TMEM131L: variants seen among roughly 807,000 people sequenced by gnomAD.
TMEM131L encodes the protein transmembrane protein 131-like.
In TMEM131L, 54 loss-of-function variants were observed where a neutral mutation model predicts 192.2. That is an observed-to-expected ratio of 0.28 (90% confidence interval 0.23 to 0.35). The LOEUF is 0.35. Among genes scored for constraint, TMEM131L ranks in the 10% least tolerant of loss-of-function variants. The pLI, the probability that TMEM131L is intolerant of heterozygous loss-of-function variation, is 1.00. For synonymous variants in TMEM131L, 701 were observed against 704.9 expected, an observed-to-expected ratio of 0.99 and a Z score of 0.09; for missense variants, 1,888 against 1,972.9, an observed-to-expected ratio of 0.96 and a Z score of 0.82.
chr4:153,594,557 A>G (rs1290946833), intron 19 of TMEM131L, among the ~76,000 whole-genome samples: 1 of 152,238 alleles, frequency 6.6e-6, no homozygotes, highest in Non-Finnish European at 1.5e-5. Flanking sequence ...CAAAAAATAC[A>G]TACATACACA....
chr4:153,623,698 A>T (rs1447964922), intron 29 of TMEM131L, among the ~76,000 whole-genome samples: 1 of 152,014 alleles, frequency 6.6e-6, no homozygotes, highest in Non-Finnish European at 1.5e-5. Context: ...CTTCCCTTTT[A>T]TTGCCGGGTA....
intron 3 of TMEM131L, among the ~76,000 whole-genome samples, chr4:153,481,050 C>G (rs1254539774): frequency 6.6e-6 from 1 of 152,184 alleles, no homozygotes; most frequent in Non-Finnish European, 1.5e-5. Context: ...AGTGCAGGGT[C>G]CTGAGCATGG....
At chr4:153,467,371 G>C in intron 2 of TMEM131L, 90 bp downstream of exon 2, 1 of 1,143,936 alleles carries the variant, frequency 8.7e-7, no homozygotes, top group Non-Finnish European at 1.3e-6. Flanking sequence ...CTGTCCAAGC[G>C]GCACAGGCGT....
At chr4:153,582,420 G>GTTTTTTTGTTTTTT (rs1730402406) in intron 9 of TMEM131L, among the ~76,000 whole-genome samples, 3 of 81,834 alleles carry the variant, frequency 3.7e-5, no homozygotes, top group African/African-American at 1.6e-4. Context: ...AATTTAAACC[G>GTTTTTTTGTTTTTT]TTTTTTTTTG....
chr4:153,508,256 T>C (rs1198096351), intron 3 of TMEM131L, among the ~76,000 whole-genome samples: 1 of 152,224 alleles, frequency 6.6e-6, no homozygotes, highest in Admixed American at 6.5e-5. Flanking sequence ...TACCCAACTC[T>C]ATGTTGTGTT....
intron 7 of TMEM131L, among the ~76,000 whole-genome samples, chr4:153,561,485 A>G (rs1196252957): frequency 5.3e-5 from 8 of 152,160 alleles, no homozygotes; most frequent in Admixed American, 1.3e-4. Context: ...TTTCTTCTAA[A>G]GTTTTATAGT....
intron 3 of TMEM131L, among the ~76,000 whole-genome samples, chr4:153,527,742 G>A (rs1457376211): frequency 6.6e-6 from 1 of 152,132 alleles, no homozygotes; most frequent in African/African-American, 2.4e-5. Context: ...TTGAGGAAAC[G>A]CAGCCCAGGA....
rs564720322 is a variant in TMEM131L at position 153,540,533 on chromosome 4, A to G, written c.240-9540A>G. ...GTATTGTAGGAGGTGTGTGATACAT[A>G]CATAACACTGTGAGCCTGTGAAAGT... On this transcript the variant is annotated intron_variant, in intron 3 of 34. Transcript: ENST00000409959. 4.3e-4 allele frequency among the ~76,000 whole-genome samples: 65 copies of G among 152,352 alleles called. 1 individual carries two copies. The highest frequency in any genetic ancestry group is 1.5e-3 in the African/African-American group (62 of 41,592).
intron 32 of TMEM131L, among the ~76,000 whole-genome samples, chr4:153,633,596 C>T (rs1373372422): frequency 6.6e-6 from 1 of 152,088 alleles, no homozygotes; most frequent in Non-Finnish European, 1.5e-5. Context: ...GGCAGTTTCT[C>T]AAATTTGCTA....
intron 3 of TMEM131L, among the ~76,000 whole-genome samples, chr4:153,478,700 C>T (rs1239072841): frequency 6.6e-6 from 1 of 152,112 alleles, no homozygotes; most frequent in Non-Finnish European, 1.5e-5. Flanking sequence ...TTATTTATAT[C>T]TTGTGAGCTC....
intron 31 of TMEM131L, among the ~76,000 whole-genome samples, chr4:153,630,096 T>C (rs557796827): frequency 7.9e-5 from 12 of 152,300 alleles, no homozygotes; most frequent in Middle Eastern, 6.8e-3. Flanking sequence ...TTGCTTCTCA[T>C]AAGAAGCACA....
chr4:153,566,593 T>C (rs1415391222), intron 7 of TMEM131L, among the ~76,000 whole-genome samples: 1 of 152,064 alleles, frequency 6.6e-6, no homozygotes, highest in Non-Finnish European at 1.5e-5. Flanking sequence ...TAAGAGATTT[T>C]CTCTTAAGGA....
At position 153,621,911 on chromosome 4, in the gene TMEM131L, G is replaced by C; in HGVS notation, c.3859+62G>C. 3 of 1,498,764 alleles carry C rather than the reference G, an allele frequency of 2.0e-6. No homozygotes were observed. The South Asian group carries it at 3.5e-5, about 18-fold the overall frequency. 92.8% of individuals were successfully genotyped at this position (1,498,764 alleles called of 1,614,324 possible). On this transcript the variant is annotated intron_variant, in intron 28 of 34. Transcript: ENST00000409959. The stretch of plus-strand genomic sequence containing the variant: ...TGGGAATTTTTGTTTCCTCAATGAA[G>C]TATCTAATAAGAGAAATGACACCTC...
intron 3 of TMEM131L, among the ~76,000 whole-genome samples, chr4:153,546,891 C>T (rs1737218276): frequency 1.3e-5 from 2 of 152,168 alleles, no homozygotes; most frequent in Admixed American, 6.5e-5. Context: ...CATGCTATTG[C>T]GCTCCAACGT....
Position 153,550,065 on chromosome 4 carries a change from T to C in TMEM131L, c.240-8T>C. The C allele has an allele frequency of 6.9e-7, 1 of 1,442,112 alleles. No individual in the cohort carries two copies. 89.3% of individuals were successfully genotyped at this position (1,442,112 alleles called of 1,614,324 possible). A position where few individuals can be genotyped will look rare whatever the true frequency, so the allele number is the denominator to read the frequency against. ...ACAACAAAATCAACCTCTCTTTTCT[T>C]TTTTTAGCTTCTCGGACAAACTATT... is the stretch of plus-strand genomic sequence containing the variant. On this transcript the variant is annotated splice_region_variant and splice_polypyrimidine_tract_variant and intron_variant, in intron 3 of 34. Transcript: ENST00000409959.
rs111578927 is a variant in TMEM131L, at chr4:153,630,832, G to A, written c.4208-1886G>A. Among the ~76,000 whole-genome samples, 1,124 of 152,320 alleles carry A rather than the reference G, an allele frequency of 7.4e-3. 10 individuals are homozygous for A. The highest frequency in any genetic ancestry group is 0.026 in the African/African-American group (1,074 of 41,554). ...AGCCTGGGTGATGCAGACCTGATCA[G>A]TATCTTGATTCCAGCTGGCCGCAGT... On this transcript the variant is annotated intron_variant, in intron 31 of 34. Coordinates refer to ENST00000409959, the MANE Select transcript of TMEM131L (RefSeq NM_001131007.2).
chr4:153,493,222 T>G (rs1307725428), intron 3 of TMEM131L, among the ~76,000 whole-genome samples: 6 of 148,428 alleles, frequency 4.0e-5, no homozygotes, highest in Non-Finnish European at 7.4e-5. Flanking sequence ...GGCAGGCGCC[T>G]GTAGTCCCAG....
chr4:153,510,167 G>C (rs1445067244), intron 3 of TMEM131L, among the ~76,000 whole-genome samples: 1 of 151,298 alleles, frequency 6.6e-6, no homozygotes, highest in African/African-American at 2.4e-5. Flanking sequence ...TTTTTTTTTG[G>C]TATGCTTCCC....
At chr4:153,564,524 G>A (rs1729070180) in intron 7 of TMEM131L, among the ~76,000 whole-genome samples, 2 of 152,086 alleles carry the variant, frequency 1.3e-5, no homozygotes, top group South Asian at 4.1e-4. Flanking sequence ...AAGATAATAG[G>A]AAAACATGGA....
Sources: allele counts gnomAD v4.1 joint callset (sites outside exome capture counted in the v4.1 genomes callset), GRCh38; gene constraint gnomAD v4.1.1; transcripts MANE v1.5; gene names NCBI Gene and HGNC (gene_info 2026-07-23, HGNC 2026-07-21).